The following CCDC122 variants were observed in gnomAD, a reference collection of about 807,000 sequenced individuals.
CCDC122 encodes the protein coiled-coil domain-containing protein 122.
A neutral mutation model predicts 37.0 loss-of-function variants in CCDC122; 38 were observed. The ratio of observed to expected loss-of-function variants is 1.03; its 90% CI spans 0.79 to 1.35. The LOEUF (loss-of-function observed/expected upper bound fraction) is 1.35. CCDC122 is among the 40% of genes most tolerant of loss of function. The probability of loss-of-function intolerance (pLI) is 0.00; values close to 1 mark genes in which losing one functional copy is unlikely to be tolerated. For synonymous variants in CCDC122, 83 were observed against 95.6 expected (o/e 0.87, Z 0.77); for missense variants, 305 against 310.0 (o/e 0.98, Z 0.12).
Position 43,858,848 on chromosome 13 carries a change from A to C in CCDC122, c.605T>G (p.Ile202Ser). ...KDKIITVKES[I>S]IEKTCFLEEE... is the part of the protein sequence containing the mutation. ...CTCAAGAAAACAAGTTTTTTCAATG[A>C]TAGATTCTTTTACAGTTATAATTTT... The change falls in exon 6 of 7, where the codon ATC becomes AGC. Residue 202 changes from isoleucine to serine, a missense_variant. Ile to Ser is a moderately radical substitution (Grantham distance 142). Transcript: ENST00000444614. 7.0e-7 allele frequency: 1 copy of C among 1,421,234 alleles called. No homozygotes were observed. Among genetic ancestry groups the C allele is most frequent in the Non-Finnish European group, 9.5e-7 (1 of 1,054,704 alleles). 88.0% of individuals were successfully genotyped at this position (1,421,234 alleles called of 1,614,324 possible). A position where few individuals can be genotyped will look rare whatever the true frequency, so the allele number is the denominator to read the frequency against.
chr13:43,863,035 AAATT>A (rs139820632), intron 4 of CCDC122, among the ~76,000 whole-genome samples: 5,224 of 152,120 alleles, frequency 0.034, 150 homozygotes, highest in African/African-American at 0.072. Flanking sequence ...TATCGAAGCA[AAATT>A]AATATAAATA....
chr13:43,827,295 T>C (rs1317982962), intron 3 of CCDC122, among the ~76,000 whole-genome samples: 2 of 152,356 alleles, frequency 1.3e-5, no homozygotes, highest in Non-Finnish European at 2.9e-5. Flanking sequence ...ATTATACAAG[T>C]AGATTTTGGA....
Position 43,827,085 on chromosome 13 carries a change from C to T in CCDC122, n.602-3074G>A, listed in dbSNP as rs145842116. Among the ~76,000 whole-genome samples the T allele has an allele frequency of 7.2e-3, 1,096 of 152,232 alleles. 45 individuals carry two copies. Among genetic ancestry groups the T allele is most frequent in the Admixed American group, 0.063 (958 of 15,284 alleles). ...TTTCTTTTAAAGATGGAACACTTTA[C>T]ATAATTTTTCAACATATCAAACTCT... On this transcript the variant is annotated intron_variant and non_coding_transcript_variant, in intron 3 of 3. Coordinates refer to the CCDC122 transcript ENST00000470137.
At chr13:43,872,290 C>T (rs1325312306) in intron 2 of CCDC122, among the ~76,000 whole-genome samples, 1 of 152,068 alleles carries the variant, frequency 6.6e-6, no homozygotes, top group African/African-American at 2.4e-5. Flanking sequence ...TCCCTTACAG[C>T]TCACTCCCTG....
At chr13:43,822,975 C>G (rs183177059), downstream of CCDC122, among the ~76,000 whole-genome samples, 1 of 152,152 alleles carries the variant, frequency 6.6e-6, no homozygotes, top group African/African-American at 2.4e-5. Context: ...AAGACAAAGT[C>G]CCCTTTACTT....
chr13:43,877,624 C>G (rs924828277), intron 1 of CCDC122: 1 of 152,040 alleles, frequency 6.6e-6, no homozygotes, highest in African/African-American at 2.4e-5. Context: ...CTTGAAGAGC[C>G]TTGAACAAAA....
intron 4 of CCDC122, among the ~76,000 whole-genome samples, chr13:43,861,260 T>A (rs1315877282): frequency 6.6e-6 from 1 of 152,208 alleles, no homozygotes; most frequent in African/African-American, 2.4e-5. Flanking sequence ...AAGAGTTTTT[T>A]AAAGCTTTTG....
intron 6 of CCDC122, among the ~76,000 whole-genome samples, chr13:43,841,953 T>C (rs955432908): frequency 2.6e-5 from 4 of 152,216 alleles, no homozygotes; most frequent in Non-Finnish European, 5.9e-5. Flanking sequence ...GACATCCTCC[T>C]GCCTTGGCCT....
At position 43,869,365 on chromosome 13, in the gene CCDC122, G is replaced by A. The variant is rs763430315; in HGVS notation, c.12C>T (p.Asn4=). MSD[N]KERKSQGFPK... is the part of the protein sequence containing the mutation. The stretch of plus-strand genomic sequence containing the variant: ...GAAATCCTTGACTCTTCCTTTCTTT[G>A]TTGTCTGACATTTTCTGTGTCTGTA... Residue 4 remains asparagine (N), a synonymous_variant, in exon 3 of 7, where the codon AAC becomes AAT. Transcript: ENST00000444614. The A allele has an allele frequency of 1.2e-6, 2 of 1,606,120 alleles. No homozygotes were observed. The highest frequency in any genetic ancestry group is 1.7e-6 in the Non-Finnish European group (2 of 1,175,222).
downstream of CCDC122, chr13:43,836,250 A>AT (rs2153868929): frequency 6.6e-6 from 1 of 152,338 alleles, no homozygotes; most frequent in South Asian, 2.1e-4. Context: ...ATTTATTGAC[A>AT]TTTTGCCTTT....
At chr13:43,841,996 T>C (rs1347847143) in intron 6 of CCDC122, among the ~76,000 whole-genome samples, 1 of 152,246 alleles carries the variant, frequency 6.6e-6, no homozygotes, top group Non-Finnish European at 1.5e-5. Context: ...CATGAGCCAC[T>C]GTGCCCAGCC....
At chr13:43,820,683 C>A (rs1952986882), downstream of CCDC122, among the ~76,000 whole-genome samples, 1 of 152,154 alleles carries the variant, frequency 6.6e-6, no homozygotes, top group East Asian at 1.9e-4. Flanking sequence ...ATCAATCCTG[C>A]CTCTCTTCTA....
downstream of CCDC122, among the ~76,000 whole-genome samples, chr13:43,820,360 G>A (rs1002836226): frequency 1.3e-5 from 2 of 152,102 alleles, no homozygotes; most frequent in African/African-American, 4.8e-5. Flanking sequence ...TAAAGTAGCA[G>A]GTTTCAGGTC....
At chr13:43,843,554 T>A (rs1953425130) in intron 6 of CCDC122, among the ~76,000 whole-genome samples, 1 of 152,004 alleles carries the variant, frequency 6.6e-6, no homozygotes, top group African/African-American at 2.4e-5. Context: ...TTTCTTTTTG[T>A]ATCAGGGTTA....
At chr13:43,825,378 C>T (rs140362430) in intron 3 of CCDC122, among the ~76,000 whole-genome samples, 10 of 152,150 alleles carry the variant, frequency 6.6e-5, no homozygotes, top group South Asian at 2.1e-4. Flanking sequence ...AAAGATAGTA[C>T]AGGGGACTCT....
At chr13:43,838,310 G>GGTCATTTGT (rs2153869460) in intron 6 of CCDC122, among the ~76,000 whole-genome samples, 1 of 152,108 alleles carries the variant, frequency 6.6e-6, no homozygotes, top group Non-Finnish European at 1.5e-5. Flanking sequence ...GTGATTCACT[G>GGTCATTTGT]AAACACAGAT....
At chr13:43,837,502 A>G in intron 6 of CCDC122, 73 bp from the exon 7 acceptor site, 1 of 1,361,500 alleles carries the variant, frequency 7.3e-7, no homozygotes, top group Non-Finnish European at 1.0e-6. Flanking sequence ...TAATATTTTG[A>G]CTACTCTAAA....
intron 6 of CCDC122, among the ~76,000 whole-genome samples, chr13:43,841,049 A>C (rs1953333756): frequency 6.6e-6 from 1 of 151,854 alleles, no homozygotes. Flanking sequence ...GCACCTGTTC[A>C]TCTCACTGGG....
intron 6 of CCDC122, chr13:43,855,406 C>T (rs1303619919): frequency 6.6e-6 from 1 of 151,260 alleles, no homozygotes; most frequent in African/African-American, 2.4e-5. Context: ...CCTAAGAACA[C>T]AGCCAACCAG....
Sources: allele counts gnomAD v4.1 joint callset (sites outside exome capture counted in the v4.1 genomes callset), GRCh38; gene constraint gnomAD v4.1.1; transcripts MANE v1.5; gene names NCBI Gene and HGNC (gene_info 2026-07-23, HGNC 2026-07-21).